PDE3B: variants seen among roughly 807,000 people sequenced by gnomAD.
PDE3B encodes phosphodiesterase 3B.
PDE3B carries 66 observed loss-of-function variants against 116.8 expected under a neutral mutation model. The observed-to-expected ratio is 0.56, with a 90% CI of 0.46 to 0.69. The LOEUF (loss-of-function observed/expected upper bound fraction) is 0.69, where lower values mean the gene tolerates loss of function less well. Among genes scored for constraint, PDE3B ranks in the 30% least tolerant of loss-of-function variants. The pLI is 0.00. For synonymous variants in PDE3B, 595 were observed against 533.6 expected (o/e 1.12, Z -1.59); for missense variants, 1,384 against 1,368.1 (o/e 1.01, Z -0.18).
intron 1 of PDE3B, chr11:14,674,220 C>T: frequency 8.0e-7 from 1 of 1,246,506 alleles, no homozygotes; most frequent in Non-Finnish European, 1.2e-6. Flanking sequence ...TCTGTTTGTT[C>T]TTTTTTGTTT....
intron 1 of PDE3B, among the ~76,000 whole-genome samples, chr11:14,664,921 A>G (rs927231657): frequency 3.6e-4 from 55 of 152,284 alleles, no homozygotes; most frequent in Non-Finnish European, 6.2e-4. Flanking sequence ...ATTTTATGAG[A>G]CCAGCATCAT....
chr11:14,721,951 G>T (rs1856115573), intron 1 of PDE3B, among the ~76,000 whole-genome samples: 1 of 148,298 alleles, frequency 6.7e-6, no homozygotes, highest in Non-Finnish European at 1.5e-5. Context: ...AGAAAATGTG[G>T]CACATATACA....
chr11:14,892,299 G>A, the PDE3B span: 2 of 1,247,600 alleles, frequency 1.6e-6, no homozygotes, highest in South Asian at 1.3e-5. Context: ...ATACCCTCAG[G>A]TCCCGCCCTA....
In PDE3B at chr11:14,818,239, G is replaced by T. The variant is rs1441928558; in HGVS notation, c.1579G>T (p.Gly527Cys). 6.2e-7 allele frequency: 1 copy of T among 1,613,510 alleles called. No individual in the cohort carries two copies. The highest frequency in any genetic ancestry group is 1.7e-5 in the Admixed American group (1 of 59,972). The stretch of plus-strand genomic sequence containing the variant: ...TTCCAACCATGGACCAGTGTCTACT[G>T]GCTCTCTAACTAATCGATCACCCAT... ...NSSNHGPVST[G>C]SLTNRSPIEF... Residue 527 changes from glycine (G) to cysteine (C), a missense_variant, in exon 6 of 16, where the codon GGC (glycine) becomes TGC (cysteine). By Grantham distance (159) the Gly-to-Cys change is radical (BLOSUM62 -3). Transcript: ENST00000282096.
chr11:14,679,842 GAGCAAAGTCC>G (rs1854646128), intron 1 of PDE3B, among the ~76,000 whole-genome samples: 2 of 151,942 alleles, frequency 1.3e-5, no homozygotes, highest in Admixed American at 1.3e-4. Context: ...TCACGGAATG[GAGCAAAGTCC>G]ACTTTGCTCC....
At chr11:14,660,490 G>T (rs1853865937) in intron 1 of PDE3B, among the ~76,000 whole-genome samples, 1 of 151,646 alleles carries the variant, frequency 6.6e-6, no homozygotes, top group Admixed American at 6.6e-5. Flanking sequence ...ATTTTGTAGA[G>T]ATGAGGTTTT....
intron 1 of PDE3B, among the ~76,000 whole-genome samples, chr11:14,746,306 AC>A (rs1856908582): frequency 6.6e-6 from 1 of 152,086 alleles, no homozygotes; most frequent in South Asian, 2.1e-4. Flanking sequence ...AGGCACAAGA[AC>A]CCAGGAGGCG....
chr11:14,725,064 G>A (rs1383437716), intron 1 of PDE3B, among the ~76,000 whole-genome samples: 1 of 152,134 alleles, frequency 6.6e-6, no homozygotes, highest in East Asian at 1.9e-4. Context: ...ATGTGACTGA[G>A]GAAGGGAAGA....
At chr11:14,709,449 T>C (rs916501086) in intron 1 of PDE3B, among the ~76,000 whole-genome samples, 8 of 152,354 alleles carry the variant, frequency 5.3e-5, no homozygotes, top group African/African-American at 1.7e-4. Context: ...ATATAAGATT[T>C]GTGGTTTTGC....
chr11:14,743,873 G>A (rs373997104), intron 1 of PDE3B, among the ~76,000 whole-genome samples: 32 of 152,212 alleles, frequency 2.1e-4, no homozygotes, highest in African/African-American at 6.5e-4. Context: ...GCATCTGCTC[G>A]CCCTCTGTGG....
chr11:14,667,339 A>T (rs1171177393), intron 1 of PDE3B, among the ~76,000 whole-genome samples: 1 of 151,580 alleles, frequency 6.6e-6, no homozygotes, highest in Non-Finnish European at 1.5e-5. Context: ...ATGCTAAATG[A>T]CGAGTTAATG....
In PDE3B at chr11:14,870,411, G is replaced by A. The variant is rs1555008873; in HGVS notation, c.*751G>A. The A allele has an allele frequency of 1.3e-5, 2 of 152,514 alleles. No individual in the cohort carries two copies. The allele number at this position is 152,514 out of a possible 1,614,324, so 9.4% of individuals were successfully genotyped here. ...CATGGCTGAATTTTAAAGCTGTTTA[G>A]GTTTAACAATGAAGGGATTTATTCT... On this transcript the variant is annotated 3_prime_UTR_variant, in exon 16 of 16. Coordinates refer to ENST00000282096, the MANE Select transcript of PDE3B (RefSeq NM_000922.4). This position sits in a 1 kb window ranked among gnomAD's most constrained non-coding sequence, Gnocchi z 4.1.
intron 11 of PDE3B, among the ~76,000 whole-genome samples, chr11:14,836,680 C>T (rs1860067075): frequency 6.6e-6 from 1 of 152,140 alleles, no homozygotes; most frequent in South Asian, 2.1e-4. Context: ...GGTCAGAAGT[C>T]CAAAAAAGGC....
At chr11:14,811,392 G>A (rs1462444714) in intron 5 of PDE3B, among the ~76,000 whole-genome samples, 1 of 152,190 alleles carries the variant, frequency 6.6e-6, no homozygotes, top group Non-Finnish European at 1.5e-5. Flanking sequence ...CATATGGCTA[G>A]CGAGTTTTCC....
chr11:14,668,125 C>T (rs1273651855), intron 1 of PDE3B, among the ~76,000 whole-genome samples: 1 of 151,936 alleles, frequency 6.6e-6, no homozygotes, highest in African/African-American at 2.4e-5. Flanking sequence ...TAAGAGGACA[C>T]GTATGCTGTC....
At chr11:14,682,787 T>G (rs1304001692) in intron 1 of PDE3B, among the ~76,000 whole-genome samples, 2 of 147,548 alleles carry the variant, frequency 1.4e-5, no homozygotes, top group African/African-American at 5.0e-5. Context: ...TTTTTTGTTG[T>G]TTTTTTTTTA....
At chr11:14,662,012 GT>G (rs1853938183) in intron 1 of PDE3B, among the ~76,000 whole-genome samples, 2 of 152,272 alleles carry the variant, frequency 1.3e-5, no homozygotes, top group African/African-American at 4.8e-5. Flanking sequence ...CCTCAAGTGG[GT>G]CCCTGACCCC....
intron 4 of PDE3B, among the ~76,000 whole-genome samples, chr11:14,792,609 A>T (rs1858423158): frequency 6.6e-6 from 1 of 152,094 alleles, no homozygotes; most frequent in African/African-American, 2.4e-5. Flanking sequence ...AGAGTTTATT[A>T]TTGTTCATCT....
At chr11:14,730,676 G>T (rs933911425) in intron 1 of PDE3B, among the ~76,000 whole-genome samples, 2 of 152,106 alleles carry the variant, frequency 1.3e-5, no homozygotes, top group Non-Finnish European at 2.9e-5. Context: ...TGCTATTTGA[G>T]CATTATCAGA....
Sources: gnomAD v4.1 joint callset for allele counts (sites outside exome capture counted in the v4.1 genomes callset) on GRCh38, gnomAD v4.1.1 for gene constraint, Gnocchi (gnomAD v3.1) non-coding constraint, MANE v1.5 for transcripts, NCBI Gene and HGNC (gene_info 2026-07-23, HGNC 2026-07-21) for gene names.